Variants in PCDH7 observed in about 807,000 individuals in gnomAD.
PCDH7 encodes protocadherin-7.
In PCDH7, 17 loss-of-function variants were observed where a neutral mutation model predicts 58.9. The ratio of observed to expected loss-of-function variants is 0.29; its 90% CI spans 0.20 to 0.43. The LOEUF is 0.43. PCDH7 is among the 20% of genes least tolerant of loss of function. The pLI, the probability that PCDH7 is intolerant of heterozygous loss-of-function variation, is 1.00. For synonymous variants in PCDH7, 664 were observed against 616.4 expected, an observed-to-expected ratio of 1.08 and a Z score of -1.14; for missense variants, 1,274 against 1,441.0, an observed-to-expected ratio of 0.88 and a Z score of 1.88.
At chr4:30,871,603 A>G (rs548273184) in intron 1 of PCDH7, among the ~76,000 whole-genome samples, 1 of 152,246 alleles carries the variant, frequency 6.6e-6, no homozygotes, top group Non-Finnish European at 1.5e-5. Context: ...ATCAGCTGGT[A>G]ACCTCTGCTA....
chr4:30,853,775 A>G (rs1241197704), intron 1 of PCDH7, among the ~76,000 whole-genome samples: 1 of 152,038 alleles, frequency 6.6e-6, no homozygotes, highest in Non-Finnish European at 1.5e-5. Context: ...TTAAAGTTAA[A>G]AGTCACTTTG....
At chr4:30,760,986 T>C (rs888478724) in intron 1 of PCDH7, among the ~76,000 whole-genome samples, 3 of 152,176 alleles carry the variant, frequency 2.0e-5, no homozygotes, top group Admixed American at 2.0e-4. Context: ...GAGACGTCTG[T>C]AAATTCTCCT....
intron 1 of PCDH7, among the ~76,000 whole-genome samples, chr4:30,822,448 A>C (rs2109322506): frequency 6.6e-6 from 1 of 152,174 alleles, no homozygotes; most frequent in East Asian, 1.9e-4. Context: ...GCTGCGTAAA[A>C]GGTCAGGTGC....
At chr4:30,866,712 A>G (rs1485677463) in intron 1 of PCDH7, among the ~76,000 whole-genome samples, 2 of 151,918 alleles carry the variant, frequency 1.3e-5, no homozygotes, top group East Asian at 1.9e-4. Context: ...AAAAAAAAAA[A>G]GTATTGTCCT....
chr4:30,973,146 C>CA (rs1360229684), intron 3 of PCDH7, among the ~76,000 whole-genome samples: 3 of 151,974 alleles, frequency 2.0e-5, no homozygotes, highest in African/African-American at 7.3e-5. Context: ...GTAATAGAGA[C>CA]AAAAATCACA....
At position 31,122,787 on chromosome 4, in the gene PCDH7, A is replaced by T. The variant is rs945434054; in HGVS notation, c.*8-19686A>T. Among the ~76,000 whole-genome samples, 16 of 152,130 alleles carry T rather than the reference A, an allele frequency of 1.1e-4. No individual in the cohort carries two copies. The East Asian group carries it at 3.1e-3, about 29-fold the overall frequency. On this transcript the variant is annotated intron_variant, in intron 3 of 3. Transcript: ENST00000509759. ...AAAAATATGATTCGAAAATATATAA[A>T]ATAGCAATTATATAAAAATTGTTTC...
chr4:30,767,803 T>C (rs1720942714), intron 1 of PCDH7, among the ~76,000 whole-genome samples: 1 of 152,168 alleles, frequency 6.6e-6, no homozygotes, highest in African/African-American at 2.4e-5. Context: ...TTTGAGAGAA[T>C]TAAACTTTTC....
chr4:30,920,385 A>G lies in PCDH7; in HGVS notation c.287+16A>G, dbSNP rs769362761. 3.7e-6 allele frequency: 5 copies of G among 1,359,646 alleles called. No homozygotes were observed. The highest frequency in any genetic ancestry group is 1.5e-5 in the African/African-American group (1 of 67,732). The allele number at this position is 1,359,646 out of a possible 1,614,324, so 84.2% of individuals were successfully genotyped here. A position where few individuals can be genotyped will look rare whatever the true frequency, so the allele number is the denominator to read the frequency against. On this transcript the variant is annotated intron_variant, in intron 2 of 3. Transcript: ENST00000509759. ...ATGGAAAATGGTAGGGGCAAACACA[A>G]CATCCACACACATAATCACGCTAGT...
intron 3 of PCDH7, among the ~76,000 whole-genome samples, chr4:31,086,505 C>T (rs1263059632): frequency 6.6e-6 from 1 of 152,080 alleles, no homozygotes; most frequent in Admixed American, 6.6e-5. Context: ...AATGTATTAT[C>T]ATACTTAATA....
At chr4:31,121,231 T>C (rs1031009724) in intron 3 of PCDH7, among the ~76,000 whole-genome samples, 5 of 152,188 alleles carry the variant, frequency 3.3e-5, no homozygotes, top group African/African-American at 1.2e-4. Flanking sequence ...CCAAACTTGA[T>C]TTAGGTTGAA....
chr4:30,898,186 T>C (rs565026178), intron 1 of PCDH7, among the ~76,000 whole-genome samples: 1 of 152,288 alleles, frequency 6.6e-6, no homozygotes, highest in East Asian at 1.9e-4. Context: ...AAACCACAGA[T>C]TGCATTTGAG....
intron 3 of PCDH7, among the ~76,000 whole-genome samples, chr4:31,025,145 G>T (rs1754325492): frequency 6.6e-6 from 1 of 152,124 alleles, no homozygotes; most frequent in Admixed American, 6.5e-5. Context: ...TTTTTAGCTG[G>T]TGTAATGAAA....
chr4:30,991,727 T>G (rs1049123377), intron 3 of PCDH7, among the ~76,000 whole-genome samples: 1 of 152,148 alleles, frequency 6.6e-6, no homozygotes, highest in Non-Finnish European at 1.5e-5. Flanking sequence ...TTCTAGATTA[T>G]TTTTCTTGGC....
At chr4:31,091,627 T>C (rs985898311) in intron 3 of PCDH7, among the ~76,000 whole-genome samples, 1 of 151,840 alleles carries the variant, frequency 6.6e-6, no homozygotes, top group African/African-American at 2.4e-5. Flanking sequence ...ATGAAAAGGA[T>C]AGCATAAAAA....
At chr4:30,985,878 T>G (rs1018927014) in intron 3 of PCDH7, among the ~76,000 whole-genome samples, 4 of 152,204 alleles carry the variant, frequency 2.6e-5, no homozygotes, top group Non-Finnish European at 5.9e-5. Context: ...CATTGTCTTT[T>G]CATCAAATTT....
chr4:30,843,548 C>A (rs1032460935), intron 1 of PCDH7, among the ~76,000 whole-genome samples: 2 of 152,118 alleles, frequency 1.3e-5, no homozygotes, highest in Non-Finnish European at 2.9e-5. Context: ...GAGGATGTAG[C>A]GATTACTTGC....
intron 1 of PCDH7, among the ~76,000 whole-genome samples, chr4:30,788,100 G>C (rs540999395): frequency 6.6e-6 from 1 of 152,016 alleles, no homozygotes; most frequent in Non-Finnish European, 1.5e-5. Flanking sequence ...CTCACATAGC[G>C]GCAGGATGTG....
intron 2 of PCDH7, among the ~76,000 whole-genome samples, chr4:30,931,504 G>A (rs1744588484): frequency 6.6e-6 from 1 of 152,030 alleles, no homozygotes; most frequent in Non-Finnish European, 1.5e-5. Context: ...GAACCCGGGA[G>A]GTGGAGGTTG....
intron 1 of PCDH7, among the ~76,000 whole-genome samples, chr4:30,833,283 G>A (rs538275771): frequency 6.6e-6 from 1 of 152,220 alleles, no homozygotes; most frequent in East Asian, 1.9e-4. Flanking sequence ...ATATCAGCAG[G>A]ATTCCTGGAG....
Sources: gnomAD v4.1 joint callset for allele counts (sites outside exome capture counted in the v4.1 genomes callset) on GRCh38, gnomAD v4.1.1 for gene constraint, MANE v1.5 for transcripts, NCBI Gene and HGNC (gene_info 2026-07-23, HGNC 2026-07-21) for gene names.